OPCML: variants seen among roughly 807,000 people sequenced by gnomAD.
OPCML encodes opioid-binding protein/cell adhesion molecule.
OPCML carries 13 observed loss-of-function variants against 37.8 expected under a neutral mutation model. The ratio of observed to expected loss-of-function variants is 0.34; its 90% CI spans 0.22 to 0.55. The LOEUF is 0.55. Among genes scored for constraint, OPCML ranks in the 20% least tolerant of loss-of-function variants. OPCML has a pLI of 0.91. For synonymous variants in OPCML, 176 were observed against 168.8 expected, an observed-to-expected ratio of 1.04 and a Z score of -0.33; for missense variants, 341 against 435.6, an observed-to-expected ratio of 0.78 and a Z score of 1.93.
intron 2 of OPCML, among the ~76,000 whole-genome samples, chr11:132,696,463 C>T (rs985639763): frequency 1.3e-5 from 2 of 152,038 alleles, no homozygotes; most frequent in Non-Finnish European, 2.9e-5. Flanking sequence ...TTTTTAAGCA[C>T]CTCTAATTGG....
chr11:132,572,087 A>G (rs1591568383), intron 3 of OPCML, among the ~76,000 whole-genome samples: 1 of 147,328 alleles, frequency 6.8e-6, no homozygotes, highest in Admixed American at 6.7e-5. Context: ...CTATTCAAGT[A>G]TTTAGCCCAT....
intron 1 of OPCML, among the ~76,000 whole-genome samples, chr11:132,996,786 G>T (rs906583846): frequency 6.6e-6 from 1 of 152,094 alleles, no homozygotes; most frequent in Non-Finnish European, 1.5e-5. Context: ...CACCTCTAAG[G>T]CCAGTCAAAA....
intron 4 of OPCML, among the ~76,000 whole-genome samples, chr11:132,478,375 C>T (rs981593592): frequency 2.0e-5 from 3 of 152,042 alleles, no homozygotes; most frequent in East Asian, 3.9e-4. Flanking sequence ...ACAGTAGGTG[C>T]TTAATAAGTG....
rs148010825 is a variant in OPCML, at chr11:132,947,610, A to G, written c.62-4600T>C. On this transcript the variant is annotated intron_variant, in intron 1 of 7. Coordinates refer to ENST00000524381, the MANE Select transcript of OPCML (RefSeq NM_001012393.5). Reference sequence around the variant, plus strand: ...CTGCTGTGGACTAGTCTGTGCATTTATAGAATATAAGGCTGAGACCAAATT... The same window carrying G: ...CTGCTGTGGACTAGTCTGTGCATTTGTAGAATATAAGGCTGAGACCAAATT... 5.7e-3 allele frequency among the ~76,000 whole-genome samples: 869 copies of G among 152,308 alleles called. 6 individuals carry two copies. The highest frequency in any genetic ancestry group is 9.8e-3 in the Admixed American group (150 of 15,298).
At chr11:133,345,882 G>T (rs1274828256) in intron 1 of OPCML, among the ~76,000 whole-genome samples, 1 of 152,100 alleles carries the variant, frequency 6.6e-6, no homozygotes, top group Non-Finnish European at 1.5e-5. Flanking sequence ...CTCTTAAGGT[G>T]TGGTGGCTGC....
At chr11:132,606,955 G>C (rs530558479) in intron 3 of OPCML, among the ~76,000 whole-genome samples, 1 of 152,140 alleles carries the variant, frequency 6.6e-6, no homozygotes, top group Admixed American at 6.5e-5. Flanking sequence ...AGGGGTTTCT[G>C]TCTGTTAGGT....
intron 1 of OPCML, among the ~76,000 whole-genome samples, chr11:133,002,685 A>G (rs1415875979): frequency 1.3e-5 from 2 of 151,660 alleles, no homozygotes; most frequent in South Asian, 2.1e-4. Context: ...TTTTCTATAG[A>G]TAATATATGT....
intron 3 of OPCML, among the ~76,000 whole-genome samples, chr11:132,606,923 C>G (rs1455210651): frequency 1.3e-5 from 2 of 152,134 alleles, no homozygotes; most frequent in Admixed American, 1.3e-4. Flanking sequence ...TTTGGAGAGA[C>G]AGTATGTAGA....
At chr11:133,068,366 A>G (rs1948472407) in intron 1 of OPCML, among the ~76,000 whole-genome samples, 1 of 152,212 alleles carries the variant, frequency 6.6e-6, no homozygotes, top group South Asian at 2.1e-4. Context: ...TTTCATTTAC[A>G]TATGGGAGAT....
At chr11:133,380,890 C>T (rs80125192) in intron 1 of OPCML, among the ~76,000 whole-genome samples, 300 of 152,156 alleles carry the variant, frequency 2.0e-3, no homozygotes, top group African/African-American at 6.8e-3. Flanking sequence ...AACCTGAGGC[C>T]CTGCTAATTC....
At chr11:132,880,874 G>A (rs144856879) in intron 2 of OPCML, among the ~76,000 whole-genome samples, 372 of 152,214 alleles carry the variant, frequency 2.4e-3, no homozygotes, top group Non-Finnish European at 4.2e-3. Context: ...ATTTCTTCCC[G>A]TGTCTCTGAC....
At chr11:132,831,022 T>TC (rs1940652472) in intron 2 of OPCML, among the ~76,000 whole-genome samples, 1 of 148,722 alleles carries the variant, frequency 6.7e-6, no homozygotes, top group Non-Finnish European at 1.5e-5. Context: ...TCCCACCTGC[T>TC]TTTTTTTTTC....
intron 1 of OPCML, among the ~76,000 whole-genome samples, chr11:132,944,507 C>T (rs1337192269): frequency 6.6e-6 from 1 of 152,146 alleles, no homozygotes; most frequent in East Asian, 1.9e-4. Flanking sequence ...GACGCCTGTC[C>T]CCAAAGTGGC....
Position 133,415,826 on chromosome 11 carries a change from GC to G in OPCML, c.61+116437del, listed in dbSNP as rs143976641. 7.4e-3 allele frequency among the ~76,000 whole-genome samples: 1,121 copies of G among 152,256 alleles called. 9 individuals are homozygous for G. The highest frequency in any genetic ancestry group is 0.026 in the African/African-American group (1,071 of 41,540). ...TGAGAAGGAGTCCATGCTCTTTACT[GC>G]CCCGTGATACGGAAGTCCATAGCAC... On this transcript the variant is annotated intron_variant, in intron 1 of 7. Transcript: ENST00000524381.
At chr11:133,171,832 AC>A (rs1352581374) in intron 1 of OPCML, among the ~76,000 whole-genome samples, 3 of 152,194 alleles carry the variant, frequency 2.0e-5, no homozygotes, top group Non-Finnish European at 2.9e-5. Flanking sequence ...GGGTACAAGA[AC>A]CTCCTTAGGG....
intron 1 of OPCML, among the ~76,000 whole-genome samples, chr11:133,014,827 CCT>C (rs999888262): frequency 6.6e-6 from 1 of 152,128 alleles, no homozygotes; most frequent in African/African-American, 2.4e-5. Flanking sequence ...AGTCTCAAGC[CCT>C]CTCTCTCTTC....
intron 1 of OPCML, among the ~76,000 whole-genome samples, chr11:133,028,406 GA>G (rs1396207696): frequency 6.6e-6 from 1 of 152,026 alleles, no homozygotes; most frequent in African/African-American, 2.4e-5. Context: ...GAAACTTTCC[GA>G]GATAATTATC....
intron 1 of OPCML, among the ~76,000 whole-genome samples, chr11:133,319,680 C>T (rs938204689): frequency 1.3e-5 from 2 of 152,180 alleles, no homozygotes; most frequent in African/African-American, 4.8e-5. Context: ...CCTGTCTAAG[C>T]CTTAACTGGC....
intron 1 of OPCML, among the ~76,000 whole-genome samples, chr11:133,282,307 G>A (rs1942180997): frequency 6.6e-6 from 1 of 152,170 alleles, no homozygotes; most frequent in Non-Finnish European, 1.5e-5. Flanking sequence ...CCCACATCCT[G>A]GCTGCTCCAG....
Sources: gnomAD v4.1 joint callset for allele counts (sites outside exome capture counted in the v4.1 genomes callset) on GRCh38, gnomAD v4.1.1 for gene constraint, MANE v1.5 for transcripts, NCBI Gene and HGNC (gene_info 2026-07-23, HGNC 2026-07-21) for gene names.